UNC5D: variants seen among roughly 807,000 people sequenced by gnomAD.
The protein encoded by UNC5D is netrin receptor UNC5D.
In UNC5D, 39 loss-of-function variants were observed where a neutral mutation model predicts 105.4. That is an observed-to-expected ratio of 0.37 (90% CI 0.29 to 0.48). UNC5D has a LOEUF of 0.48. UNC5D is among the 20% of genes least tolerant of loss of function. The pLI, the probability that UNC5D is intolerant of heterozygous loss-of-function variation, is 0.98. For missense variants in UNC5D, 991 were observed against 1,202.4 expected, an observed-to-expected ratio of 0.82 and a Z score of 2.60; for synonymous variants, 452 against 450.4, an observed-to-expected ratio of 1.00 and a Z score of -0.04.
At chr8:35,695,236 T>C (rs1369395522) in intron 7 of UNC5D, among the ~76,000 whole-genome samples, 3 of 152,196 alleles carry the variant, frequency 2.0e-5, no homozygotes, top group Non-Finnish European at 4.4e-5. Context: ...AGTAGCTGAA[T>C]GAACTACTCT....
In UNC5D at chr8:35,795,473, G is replaced by T. The variant is rs778288560; in HGVS notation, c.*4910G>T. On this transcript the variant is annotated 3_prime_UTR_variant, in exon 17 of 17. Coordinates refer to ENST00000404895, the MANE Select transcript of UNC5D (RefSeq NM_080872.4). ...TATGGTTCTGGTGAATCATAGAAGGGAGAGACAATATTTGAGGGGAGTTTA... is the reference window on the plus strand; with the variant it reads ...TATGGTTCTGGTGAATCATAGAAGGTAGAGACAATATTTGAGGGGAGTTTA... 1 of 152,152 alleles carries T rather than the reference G, an allele frequency of 6.6e-6. No individual in the cohort carries two copies. Among genetic ancestry groups the T allele is most frequent in the Non-Finnish European group, 1.5e-5 (1 of 68,030 alleles). The allele number at this position is 152,152 out of a possible 1,614,324, so 9.4% of individuals were successfully genotyped here.
chr8:35,536,472 T>C (rs1814848439), intron 1 of UNC5D, among the ~76,000 whole-genome samples: 1 of 152,216 alleles, frequency 6.6e-6, no homozygotes, highest in South Asian at 2.1e-4. Context: ...ACAAATCCCA[T>C]GTCTTTTCCT....
At chr8:35,315,316 G>T (rs1438180688) in intron 1 of UNC5D, among the ~76,000 whole-genome samples, 2 of 152,092 alleles carry the variant, frequency 1.3e-5, no homozygotes, top group East Asian at 3.9e-4. Context: ...TCCCCTATGG[G>T]GCAGGCTTGG....
In UNC5D at chr8:35,726,503, G is replaced by T. The variant is rs1828882361; in HGVS notation, c.1655G>T (p.Gly552Val). Residue 552 changes from glycine (G) to valine (V), a missense_variant, in exon 10 of 17, where the codon GGG (glycine) becomes GTG (valine). Physicochemically the swap from Gly to Val is moderately radical, Grantham distance 109. Transcript: ENST00000404895. ...LRTTGVFGHL[G>V]GRLVMPNTGV... is the part of the protein sequence containing the mutation. ...ACAACTGGTGTCTTTGGCCATTTAG[G>T]GGGGCGCTTAGTAATGCCAAATACA... 2 of 1,613,282 alleles carry T rather than the reference G, an allele frequency of 1.2e-6. No homozygotes were observed. Among genetic ancestry groups the T allele is most frequent in the Admixed American group, 1.7e-5 (1 of 59,988 alleles).
intron 10 of UNC5D, among the ~76,000 whole-genome samples, chr8:35,729,612 G>T (rs540894616): frequency 6.6e-6 from 1 of 152,152 alleles, no homozygotes; most frequent in Admixed American, 6.6e-5. Context: ...GTTGACTTCC[G>T]AGCACACTGG....
chr8:35,340,816 C>T (rs1301664460), intron 1 of UNC5D, among the ~76,000 whole-genome samples: 1 of 151,908 alleles, frequency 6.6e-6, no homozygotes, highest in African/African-American at 2.4e-5. Context: ...GCTCAGGGGC[C>T]CAAACTTTCA....
chr8:35,578,932 G>T (rs1818291786), intron 3 of UNC5D, among the ~76,000 whole-genome samples: 2 of 152,106 alleles, frequency 1.3e-5, no homozygotes, highest in South Asian at 2.1e-4. Flanking sequence ...TTACCAAGAA[G>T]AATTTGCAGA....
intron 8 of UNC5D, chr8:35,721,538 C>T: frequency 1.4e-6 from 1 of 702,580 alleles, no homozygotes; most frequent in South Asian, 1.5e-5. Flanking sequence ...TAGAGTCTAG[C>T]ATTTAATTGG....
chr8:35,260,547 T>C (rs987960706), intron 1 of UNC5D, among the ~76,000 whole-genome samples: 1 of 152,180 alleles, frequency 6.6e-6, no homozygotes, highest in Non-Finnish European at 1.5e-5. Context: ...CTGTGCTCAT[T>C]GAAACCTCTG....
In UNC5D at chr8:35,792,124, G is replaced by A. The variant is rs1803072126; in HGVS notation, c.*1561G>A. Reference sequence around the variant, plus strand: ...GAATAAAAAGTAGTCAGGGAATGGGGGAGGTGGGGAGTTGGGGAGTACTTG... The same window carrying A: ...GAATAAAAAGTAGTCAGGGAATGGGAGAGGTGGGGAGTTGGGGAGTACTTG... On this transcript the variant is annotated 3_prime_UTR_variant, in exon 17 of 17. Transcript: ENST00000404895. The A allele has an allele frequency of 6.6e-6, 1 of 152,138 alleles. No individual in the cohort carries two copies. The highest frequency in any genetic ancestry group is 2.1e-4 in the South Asian group (1 of 4,824). The allele number at this position is 152,138 out of a possible 1,614,324, so 9.4% of individuals were successfully genotyped here.
chr8:35,726,714 C>T, intron 10 of UNC5D, 185 bp downstream of exon 10: 1 of 855,116 alleles, frequency 1.2e-6, no homozygotes, highest in Non-Finnish European at 1.8e-6. Flanking sequence ...TTAGATTTTG[C>T]AGTCTTCATC....
chr8:35,597,171 T>C (rs775028034), intron 4 of UNC5D, among the ~76,000 whole-genome samples: 10 of 152,188 alleles, frequency 6.6e-5, no homozygotes, highest in Non-Finnish European at 1.3e-4. Context: ...GAAAGCATGC[T>C]GGGTGGACAC....
chr8:35,749,843 A>G (rs997755559), intron 12 of UNC5D, among the ~76,000 whole-genome samples: 1 of 152,190 alleles, frequency 6.6e-6, no homozygotes, highest in Non-Finnish European at 1.5e-5. Flanking sequence ...CTTATCAAGG[A>G]GGGTGACATA....
At chr8:35,626,460 C>T (rs1821705018) in intron 4 of UNC5D, among the ~76,000 whole-genome samples, 1 of 152,114 alleles carries the variant, frequency 6.6e-6, no homozygotes, top group Admixed American at 6.5e-5. Context: ...GATTATAGTG[C>T]TTGGTAAACC....
chr8:35,386,489 G>T (rs1396677863), intron 1 of UNC5D, among the ~76,000 whole-genome samples: 6 of 152,172 alleles, frequency 3.9e-5, no homozygotes, highest in Non-Finnish European at 8.8e-5. Context: ...GAGAGGCTCA[G>T]TGCTGTGAAA....
At chr8:35,677,954 A>G (rs925454866) in intron 4 of UNC5D, among the ~76,000 whole-genome samples, 1 of 151,604 alleles carries the variant, frequency 6.6e-6, no homozygotes, top group African/African-American at 2.4e-5. Flanking sequence ...GTATGTGTAT[A>G]TATATATACG....
intron 1 of UNC5D, among the ~76,000 whole-genome samples, chr8:35,341,160 G>A (rs1483461138): frequency 2.6e-5 from 4 of 151,962 alleles, no homozygotes; most frequent in African/African-American, 9.7e-5. Context: ...CAAAATCTCT[G>A]AACTCTTCTA....
chr8:35,539,983 G>A (rs957586004), intron 1 of UNC5D, among the ~76,000 whole-genome samples: 4 of 152,160 alleles, frequency 2.6e-5, no homozygotes, highest in African/African-American at 9.7e-5. Flanking sequence ...TATGAGAATG[G>A]TGTTTGATTG....
At position 35,790,675 on chromosome 8, in the gene UNC5D, A is replaced by G. The variant is rs1179079852; in HGVS notation, c.*112A>G. ...TTGGGGGAATTCAGCCTTCATTTATAATCAGTGAGATTCCCCTGTTGAAGA... is the reference window on the plus strand; with the variant it reads ...TTGGGGGAATTCAGCCTTCATTTATGATCAGTGAGATTCCCCTGTTGAAGA... On this transcript the variant is annotated 3_prime_UTR_variant, in exon 17 of 17. Transcript: ENST00000404895. 1 of 1,180,932 alleles carries G rather than the reference A, an allele frequency of 8.5e-7. No homozygotes were observed. The highest frequency in any genetic ancestry group is 1.2e-6 in the Non-Finnish European group (1 of 826,020). The allele number at this position is 1,180,932 out of a possible 1,614,324, so 73.2% of individuals were successfully genotyped here. A position where few individuals can be genotyped will look rare whatever the true frequency, so the allele number is the denominator to read the frequency against.
Sources: allele counts gnomAD v4.1 joint callset (sites outside exome capture counted in the v4.1 genomes callset), GRCh38; gene constraint gnomAD v4.1.1; transcripts MANE v1.5; gene names NCBI Gene and HGNC (gene_info 2026-07-23, HGNC 2026-07-21).